Variants in CLVS1 observed in about 807,000 individuals in gnomAD.
CLVS1 encodes clavesin 1.
Under a neutral mutation model 33.1 loss-of-function variants are expected in CLVS1, and 10 were observed. The observed-to-expected ratio is 0.30, with a 90% CI of 0.19 to 0.51. The LOEUF (loss-of-function observed/expected upper bound fraction) is 0.51. CLVS1 is among the 20% of genes least tolerant of loss of function. The pLI is 0.97. For missense variants in CLVS1, 343 were observed against 433.4 expected (o/e 0.79, Z 1.85); for synonymous variants, 163 against 166.1 (o/e 0.98, Z 0.14).
At chr8:61,131,360 G>A (rs1183026607) in intron 1 of CLVS1, among the ~76,000 whole-genome samples, 1 of 152,206 alleles carries the variant, frequency 6.6e-6, no homozygotes, top group Non-Finnish European at 1.5e-5. Flanking sequence ...GAAAATTAAT[G>A]CACATATATG....
chr8:61,174,312 G>A (rs1807068776), intron 2 of CLVS1, among the ~76,000 whole-genome samples: 1 of 152,056 alleles, frequency 6.6e-6, no homozygotes, highest in Admixed American at 6.6e-5. Flanking sequence ...ACTGTATTCT[G>A]TGTATTCAAA....
intron 2 of CLVS1, among the ~76,000 whole-genome samples, chr8:61,232,062 T>G (rs1808457992): frequency 1.5e-5 from 2 of 129,338 alleles, no homozygotes; most frequent in Admixed American, 8.7e-5. Context: ...TGAGATGGAG[T>G]CTCGCTCTGT....
the CLVS1 span, among the ~76,000 whole-genome samples, chr8:60,993,311 T>G: frequency 7.2e-5 from 11 of 152,318 alleles, no homozygotes; most frequent in East Asian, 7.7e-4. Flanking sequence ...ATACTGCCAG[T>G]GTGGAATGGC....
At chr8:61,273,849 G>A (rs945509371) in intron 2 of CLVS1, 1 of 154,670 alleles carries the variant, frequency 6.5e-6, no homozygotes, top group Non-Finnish European at 1.4e-5. Flanking sequence ...CCTGCTTCGG[G>A]TCGCGCACGG....
intron 2 of CLVS1, among the ~76,000 whole-genome samples, chr8:61,369,261 C>T (rs1585871261): frequency 6.6e-6 from 1 of 152,154 alleles, no homozygotes; most frequent in Non-Finnish European, 1.5e-5. Flanking sequence ...TAGAGCAAAG[C>T]CAAACATTTT....
At chr8:61,051,462 T>A in the CLVS1 span, among the ~76,000 whole-genome samples, 2,760 of 152,330 alleles carry the variant, frequency 0.018, 82 homozygotes, top group African/African-American at 0.063. Context: ...ACCGGCTGCA[T>A]TCTGCACCAG....
At chr8:60,987,877 C>T in the CLVS1 span, among the ~76,000 whole-genome samples, 2 of 152,058 alleles carry the variant, frequency 1.3e-5, no homozygotes, top group African/African-American at 4.8e-5. Context: ...CTACAGTGAA[C>T]CATGATCATG....
chr8:61,031,495 T>C, the CLVS1 span, among the ~76,000 whole-genome samples: 1 of 152,258 alleles, frequency 6.6e-6, no homozygotes, highest in Non-Finnish European at 1.5e-5. Context: ...TCTGTGGCAC[T>C]GTAAAAGTGA....
intron 1 of CLVS1, among the ~76,000 whole-genome samples, chr8:61,061,331 C>T (rs1428370498): frequency 1.3e-5 from 2 of 152,148 alleles, no homozygotes; most frequent in African/African-American, 4.8e-5. Flanking sequence ...CTTTTTCTTG[C>T]TGTTCCAGAT....
intron 2 of CLVS1, among the ~76,000 whole-genome samples, chr8:61,208,469 T>A (rs1202105158): frequency 6.6e-6 from 1 of 152,234 alleles, no homozygotes; most frequent in African/African-American, 2.4e-5. Context: ...GAGGTAGATT[T>A]CACATTTTAG....
At chr8:61,306,189 C>T (rs928494276) in intron 2 of CLVS1, among the ~76,000 whole-genome samples, 3 of 152,162 alleles carry the variant, frequency 2.0e-5, no homozygotes, top group African/African-American at 7.2e-5. Context: ...TCCACAACTT[C>T]ACCATCATCT....
At chr8:61,417,365 GT>G (rs1299273787) in intron 3 of CLVS1, among the ~76,000 whole-genome samples, 1 of 152,114 alleles carries the variant, frequency 6.6e-6, no homozygotes, top group African/African-American at 2.4e-5. Context: ...TCTCCCAGAC[GT>G]TTTTTTCTTT....
intron 1 of CLVS1, among the ~76,000 whole-genome samples, chr8:61,289,618 G>A (rs1262454670): frequency 6.6e-6 from 1 of 152,188 alleles, no homozygotes; most frequent in Non-Finnish European, 1.5e-5. Context: ...TGATAAGAAA[G>A]TTTAAACCAG....
chr8:61,090,992 C>CT lies in CLVS1; in HGVS notation c.-243+33762_-243+33763insT, dbSNP rs201939318. ...GTAGACTGATTAATGACCCATGCCCCCCCACCAATACATTTGCACCCTAAT... is the reference window on the plus strand; with the variant it reads ...GTAGACTGATTAATGACCCATGCCCCTCCCACCAATACATTTGCACCCTAAT... On this transcript the variant is annotated intron_variant, in intron 1 of 2. Transcript: ENST00000522621. 3,948 of 489,998 alleles carry CT rather than the reference C, an allele frequency of 8.1e-3. 31 individuals are homozygous for CT. The highest frequency in any genetic ancestry group is 0.027 in the Middle Eastern group (81 of 2,994). The allele number at this position is 489,998 out of a possible 1,614,324, so 30.4% of individuals were successfully genotyped here.
intron 1 of CLVS1, among the ~76,000 whole-genome samples, chr8:61,118,262 T>C (rs1805780191): frequency 6.6e-6 from 1 of 152,102 alleles, no homozygotes; most frequent in Admixed American, 6.6e-5. Flanking sequence ...TTCTTCTCTC[T>C]TTTTTTCTTT....
intron 3 of CLVS1, among the ~76,000 whole-genome samples, chr8:61,437,936 G>A (rs10087306): frequency 1.2e-4 from 19 of 152,236 alleles, no homozygotes; most frequent in African/African-American, 3.6e-4. Context: ...GAAATAAGAC[G>A]TTGAACTGTA....
intron 5 of CLVS1, among the ~76,000 whole-genome samples, chr8:61,466,386 T>A (rs988241099): frequency 6.6e-6 from 1 of 152,082 alleles, no homozygotes; most frequent in Non-Finnish European, 1.5e-5. Flanking sequence ...TCACAGGAGA[T>A]CATAATGCCT....
intron 2 of CLVS1, among the ~76,000 whole-genome samples, chr8:61,187,255 C>A (rs11785638): frequency 0.17 from 25,376 of 151,978 alleles, 3,312 homozygotes; most frequent in African/African-American, 0.36. Context: ...AATAAAATTA[C>A]CATTCATTTA....
intron 2 of CLVS1, among the ~76,000 whole-genome samples, chr8:61,365,210 C>T (rs186711183): frequency 6.6e-6 from 1 of 152,166 alleles, no homozygotes; most frequent in East Asian, 1.9e-4. Flanking sequence ...GTGACTAGCA[C>T]ATTTCCATGA....
Sources: gnomAD v4.1 joint callset for allele counts (sites outside exome capture counted in the v4.1 genomes callset) on GRCh38, gnomAD v4.1.1 for gene constraint, MANE v1.5 for transcripts, NCBI Gene and HGNC (gene_info 2026-07-23, HGNC 2026-07-21) for gene names.